DCDC1: variants seen among roughly 807,000 people sequenced by gnomAD.
DCDC1 encodes doublecortin domain-containing protein 1.
Under a neutral mutation model 178.3 loss-of-function variants are expected in DCDC1, and 200 were observed. The observed-to-expected ratio is 1.12, with a 90% confidence interval of 1.00 to 1.26. The LOEUF (loss-of-function observed/expected upper bound fraction) is 1.26, where lower values mean the gene tolerates loss of function less well. Ranked by LOEUF, DCDC1 falls within the 50% of genes most tolerant of loss-of-function variation. The pLI, the probability that DCDC1 is intolerant of heterozygous loss-of-function variation, is 0.00. For missense variants in DCDC1, 1,983 were observed against 1,749.2 expected (o/e 1.13, Z -2.38); for synonymous variants, 690 against 604.8 (o/e 1.14, Z -2.07).
intron 11 of DCDC1, among the ~76,000 whole-genome samples, chr11:31,123,390 T>C (rs1961094639): frequency 2.6e-5 from 4 of 152,224 alleles, no homozygotes; most frequent in South Asian, 4.1e-4. Context: ...ACCTATTTCA[T>C]TGTAAATTCA....
rs78493858 is a variant in DCDC1, at chr11:31,109,872, G to A, written c.1587+388C>T. The stretch of plus-strand genomic sequence containing the variant: ...GCTGAACTTGCTCACAATGAGCAGG[G>A]AGAAGACCAAGGCTGCATGTTAATT... On this transcript the variant is annotated intron_variant, in intron 12 of 38. Transcript: ENST00000684477. Among the ~76,000 whole-genome samples the A allele has an allele frequency of 6.7e-3, 1,025 of 152,250 alleles. 6 individuals carry two copies. Among genetic ancestry groups the A allele is most frequent in the Non-Finnish European group, 1.0e-2 (677 of 68,026 alleles).
At chr11:30,982,369 T>C (rs375838482) in intron 20 of DCDC1, among the ~76,000 whole-genome samples, 2 of 152,338 alleles carry the variant, frequency 1.3e-5, no homozygotes, top group South Asian at 2.1e-4. Context: ...GTATACAGTA[T>C]CTACCAAAAC....
At chr11:30,890,486 G>A (rs1490509889) in intron 36 of DCDC1, among the ~76,000 whole-genome samples, 1 of 152,152 alleles carries the variant, frequency 6.6e-6, no homozygotes, top group Non-Finnish European at 1.5e-5. Flanking sequence ...CACCCTAGGT[G>A]GGTACTGTGC....
At chr11:31,253,359 T>A (rs1358364696) in intron 8 of DCDC1, among the ~76,000 whole-genome samples, 1 of 150,328 alleles carries the variant, frequency 6.7e-6, no homozygotes, top group Admixed American at 6.6e-5. Flanking sequence ...TTTGGAGATT[T>A]TTTTTTTTTT....
intron 9 of DCDC1, among the ~76,000 whole-genome samples, chr11:31,158,940 T>G (rs1966022274): frequency 1.3e-5 from 2 of 152,056 alleles, no homozygotes; most frequent in East Asian, 3.9e-4. Context: ...TTGATAGGGA[T>G]GTATATCAAT....
chr11:30,964,044 C>T (rs751359689), intron 20 of DCDC1, among the ~76,000 whole-genome samples: 28 of 152,068 alleles, frequency 1.8e-4, no homozygotes, highest in Non-Finnish European at 3.1e-4. Flanking sequence ...AGGCAGGAAG[C>T]GTTAGCTCTT....
intron 38 of DCDC1, 58 bp downstream of exon 38, chr11:30,878,485 TA>T: frequency 7.4e-7 from 1 of 1,356,690 alleles, no homozygotes; most frequent in Non-Finnish European, 9.7e-7. Flanking sequence ...TGCATGAAAA[TA>T]AAAGAGATAA....
At chr11:31,098,264 A>T (rs1004448911) in intron 15 of DCDC1, among the ~76,000 whole-genome samples, 1 of 152,214 alleles carries the variant, frequency 6.6e-6, no homozygotes, top group Admixed American at 6.5e-5. Flanking sequence ...TCATGGAAAC[A>T]TCTAGTTTGA....
chr11:31,142,102 G>C (rs117924918), intron 9 of DCDC1, among the ~76,000 whole-genome samples: 1 of 152,174 alleles, frequency 6.6e-6, no homozygotes, highest in Non-Finnish European at 1.5e-5. Context: ...GTATGGGAAC[G>C]GGAGGTGGCT....
chr11:31,344,872 T>C (rs1019084197), intron 1 of DCDC1, among the ~76,000 whole-genome samples: 4 of 152,222 alleles, frequency 2.6e-5, no homozygotes, highest in Non-Finnish European at 4.4e-5. Flanking sequence ...ACAGTCTCTA[T>C]TTCTCATTTT....
chr11:30,920,146 G>A (rs537405165), intron 25 of DCDC1, among the ~76,000 whole-genome samples: 3 of 152,324 alleles, frequency 2.0e-5, no homozygotes, highest in Non-Finnish European at 4.4e-5. Context: ...TGCTGAGCTG[G>A]AGGTTGGAAT....
At chr11:30,948,924 C>G (rs573114152) in intron 21 of DCDC1, among the ~76,000 whole-genome samples, 1 of 152,230 alleles carries the variant, frequency 6.6e-6, no homozygotes, top group East Asian at 1.9e-4. Context: ...CTAGGCAATA[C>G]CATTCAGGAC....
chr11:31,128,253 T>A (rs1184305373), intron 10 of DCDC1, among the ~76,000 whole-genome samples: 2 of 152,076 alleles, frequency 1.3e-5, no homozygotes, highest in Non-Finnish European at 2.9e-5. Flanking sequence ...AAATATATAT[T>A]AATGTCAAAA....
chr11:31,239,868 A>G (rs925123897), intron 9 of DCDC1, among the ~76,000 whole-genome samples: 5 of 151,858 alleles, frequency 3.3e-5, no homozygotes, highest in Non-Finnish European at 5.9e-5. Flanking sequence ...TTTTCTTACA[A>G]TGCACAGAGC....
chr11:30,971,599 C>CTTTTT (rs1356806281), intron 20 of DCDC1, among the ~76,000 whole-genome samples: 2 of 138,484 alleles, frequency 1.4e-5, no homozygotes, highest in Admixed American at 7.4e-5. Context: ...AAAAACAGGC[C>CTTTTT]TTTGTTTTTT....
intron 11 of DCDC1, among the ~76,000 whole-genome samples, chr11:31,111,744 T>C (rs1034701098): frequency 3.9e-5 from 6 of 152,166 alleles, no homozygotes; most frequent in African/African-American, 1.4e-4. Flanking sequence ...GCAGTGAAGG[T>C]CACAATTCTA....
At position 30,881,289 on chromosome 11, in the gene DCDC1, G is replaced by T. The variant is rs747352961; in HGVS notation, c.5102C>A (p.Ser1701Tyr). 6.2e-7 allele frequency: 1 copy of T among 1,613,184 alleles called. No individual in the cohort carries two copies. Among genetic ancestry groups the T allele is most frequent in the African/African-American group, 1.3e-5 (1 of 74,888 alleles). Residue 1701 changes from serine to tyrosine, a missense_variant, in exon 37 of 39, where the codon TCT (serine) becomes TAT (tyrosine). Physicochemically the swap from Ser to Tyr is moderately radical, Grantham distance 144. Coordinates refer to ENST00000684477, the MANE Select transcript of DCDC1 (RefSeq NM_001387274.1). ...TISELLQDCS[S>Y]RLKMTHPARA... ...AGCTGGGTGGGTCATTTTGAGACGA[G>T]AGGAGCAGTCTTGCAGCAGCTGAGA...
rs1305408678 is a variant in DCDC1, at chr11:31,064,870, T to A, written c.2433+149A>T. Reference sequence around the variant, plus strand: ...ACATAAATATAAATGTGCATATAGATATTATATTATGTGTATTATTTTAAA... The same window carrying A: ...ACATAAATATAAATGTGCATATAGAAATTATATTATGTGTATTATTTTAAA... On this transcript the variant is annotated intron_variant, in intron 19 of 38. Transcript: ENST00000684477. 1.9e-5 allele frequency: 11 copies of A among 565,024 alleles called. No individual in the cohort carries two copies. In the East Asian group the frequency reaches 3.1e-4, roughly 16 times the overall value. 35.0% of individuals were successfully genotyped at this position (565,024 alleles called of 1,614,324 possible). A position where few individuals can be genotyped will look rare whatever the true frequency, so the allele number is the denominator to read the frequency against.
At chr11:31,245,391 G>A (rs144942682) in intron 8 of DCDC1, among the ~76,000 whole-genome samples, 179 of 151,544 alleles carry the variant, frequency 1.2e-3, no homozygotes, top group African/African-American at 4.1e-3. Flanking sequence ...TTCTGGGTAA[G>A]TTTTAAGAAC....
Sources: allele counts gnomAD v4.1 joint callset (sites outside exome capture counted in the v4.1 genomes callset), GRCh38; gene constraint gnomAD v4.1.1; transcripts MANE v1.5; gene names NCBI Gene and HGNC (gene_info 2026-07-23, HGNC 2026-07-21).